Variants in SSBP4 observed in about 807,000 individuals in gnomAD.
The protein encoded by SSBP4 is single stranded DNA binding protein 4, also known as single-stranded DNA-binding protein 4.
In SSBP4, 33 loss-of-function variants were observed where a neutral mutation model predicts 64.6. The observed-to-expected ratio is 0.51, with a 90% CI of 0.39 to 0.68. The LOEUF (loss-of-function observed/expected upper bound fraction) is 0.68. SSBP4 is among the 30% of genes least tolerant of loss of function. The pLI, the probability that SSBP4 is intolerant of heterozygous loss-of-function variation, is 0.00. For synonymous variants in SSBP4, 243 were observed against 224.0 expected (o/e 1.08, Z -0.76); for missense variants, 583 against 566.8 (o/e 1.03, Z -0.29).
intron 1 of SSBP4, among the ~76,000 whole-genome samples, chr19:18,424,344 G>T (rs76989139): frequency 2.8e-4 from 42 of 152,180 alleles, no homozygotes; most frequent in African/African-American, 4.8e-5. Flanking sequence ...TTCTAAGGTC[G>T]TTGCAGTGAG....
chr19:18,419,841 A>C, intron 1 of SSBP4, 134 bp downstream of exon 1: 1 of 531,148 alleles, frequency 1.9e-6, no homozygotes, highest in Non-Finnish European at 2.5e-6. Context: ...GGGTCGCGAG[A>C]TTGGCGGGGG....
chr19:18,419,708 G>C lies in SSBP4; in HGVS notation c.59+1G>C. ...CCTCCGACAGCCAGGCCCGCGAGAA[G>C]TGAGTGCGGGGCCGGGGGCGGGGCT... On this transcript the variant is annotated splice_donor_variant, in intron 1 of 17. Coordinates refer to ENST00000270061, the MANE Select transcript of SSBP4 (RefSeq NM_032627.5). LOFTEE classifies it high-confidence loss of function. 8.6e-7 allele frequency: 1 copy of C among 1,168,968 alleles called. No individual in the cohort carries two copies. 72.4% of individuals were successfully genotyped at this position (1,168,968 alleles called of 1,614,324 possible). A position where few individuals can be genotyped will look rare whatever the true frequency, so the allele number is the denominator to read the frequency against.
the SSBP4 span, among the ~76,000 whole-genome samples, chr19:18,405,826 C>A: frequency 4.6e-5 from 7 of 152,078 alleles, no homozygotes; most frequent in Non-Finnish European, 8.8e-5. Flanking sequence ...CCTGTCTCTA[C>A]TAAAAATACA....
Position 18,434,478 on chromosome 19 carries a change from G to C in SSBP4, c.*232G>C, listed in dbSNP as rs574934198. 213 of 889,168 alleles carry C rather than the reference G, an allele frequency of 2.4e-4. 2 individuals carry two copies. In the South Asian group the frequency reaches 5.2e-3, roughly 22 times the overall value. 55.1% of individuals were successfully genotyped at this position (889,168 alleles called of 1,614,324 possible). On this transcript the variant is annotated 3_prime_UTR_variant, in exon 18 of 18. Transcript: ENST00000270061. ...TGCCATTTGTATTTTGTCCCAGAGA[G>C]AAAGGCTCTTTGGGGGGCCCCTCTC...
At chr19:18,431,941 C>G in intron 8 of SSBP4, 59 bp from the exon 9 acceptor site, 1 of 1,557,358 alleles carries the variant, frequency 6.4e-7, no homozygotes, top group Non-Finnish European at 8.7e-7. Flanking sequence ...GCTGCCTCCC[C>G]ACTGTCCACA....
the SSBP4 span, among the ~76,000 whole-genome samples, chr19:18,408,535 C>G: frequency 1.3e-5 from 2 of 151,844 alleles, no homozygotes; most frequent in Non-Finnish European, 2.9e-5. Context: ...CTCTATCTCC[C>G]AGGCTGGTGT....
intron 13 of SSBP4, 45 bp downstream of exon 13, chr19:18,432,928 T>G (rs375900891): frequency 5.7e-5 from 92 of 1,614,048 alleles, no homozygotes; most frequent in Non-Finnish European, 7.1e-5. Context: ...TGGGTGTGTT[T>G]GGGGGAAACC....
chr19:18,408,557 A>G, the SSBP4 span, among the ~76,000 whole-genome samples: 1 of 151,088 alleles, frequency 6.6e-6, no homozygotes, highest in African/African-American at 2.4e-5. Context: ...CAGTGGCACC[A>G]TCACGGCTCA....
the SSBP4 span, among the ~76,000 whole-genome samples, chr19:18,411,387 C>T: frequency 6.6e-6 from 1 of 151,872 alleles, no homozygotes; most frequent in African/African-American, 2.4e-5. Context: ...CCCAGCTACT[C>T]GGGAGGCTGA....
chr19:18,407,818 C>T, the SSBP4 span, among the ~76,000 whole-genome samples: 1 of 152,136 alleles, frequency 6.6e-6, no homozygotes, highest in East Asian at 1.9e-4. Flanking sequence ...TCATGGCTCA[C>T]TGCAACCTGC....
rs768646934 is a variant in SSBP4, at chr19:18,431,358, C to T, written c.375C>T (p.Pro125=). 1.0e-6 allele frequency: 1 copy of T among 982,066 alleles called. No homozygotes were observed. The highest frequency in any genetic ancestry group is 1.5e-5 in the South Asian group (1 of 65,796). The allele number at this position is 982,066 out of a possible 1,614,324, so 60.8% of individuals were successfully genotyped here. Residue 125 remains proline, a synonymous_variant, in exon 6 of 18, where the codon CCC becomes CCT. Coordinates refer to ENST00000270061, the MANE Select transcript of SSBP4 (RefSeq NM_032627.5). The part of the protein sequence containing the change: ...GSMAAGFFQG[P]PGSQPSPHNP... ...ACCTGGTTCTGTCCTCCTAGGGCCCCCCCGGCTCCCAGCCGTCCCCCCACA... is the reference window on the plus strand; with the variant it reads ...ACCTGGTTCTGTCCTCCTAGGGCCCTCCCGGCTCCCAGCCGTCCCCCCACA...
intron 17 of SSBP4, 136 bp from the exon 18 acceptor site, chr19:18,434,081 C>T: frequency 2.2e-6 from 3 of 1,379,076 alleles, no homozygotes; most frequent in Admixed American, 3.4e-5. Context: ...CGCCCCTCCC[C>T]CGTTCCCTCC....
At chr19:18,404,394 G>A in the SSBP4 span, among the ~76,000 whole-genome samples, 479 of 151,718 alleles carry the variant, frequency 3.2e-3, 4 homozygotes, top group African/African-American at 0.011. Context: ...AGGAGTTCAC[G>A]ACCAGCCTGG....
chr19:18,428,421 G>A (rs1213744274), intron 4 of SSBP4, among the ~76,000 whole-genome samples: 1 of 152,168 alleles, frequency 6.6e-6, no homozygotes, highest in Non-Finnish European at 1.5e-5. Flanking sequence ...CAGGCACTGG[G>A]ACACTTTCTG....
chr19:18,429,681 G>T (rs1973187983), intron 4 of SSBP4, among the ~76,000 whole-genome samples: 3 of 152,200 alleles, frequency 2.0e-5, no homozygotes, highest in African/African-American at 7.2e-5. Flanking sequence ...GGGGGCCAGA[G>T]CCCAGAGGGG....
At chr19:18,425,964 G>A (rs1416137257) in intron 1 of SSBP4, 4 of 152,384 alleles carry the variant, frequency 2.6e-5, no homozygotes, top group African/African-American at 9.7e-5. Flanking sequence ...ACAGGGGCCG[G>A]GTGTGTGCAC....
the SSBP4 span, among the ~76,000 whole-genome samples, chr19:18,412,921 G>A: frequency 3.9e-5 from 6 of 152,174 alleles, no homozygotes; most frequent in African/African-American, 1.4e-4. Flanking sequence ...GTGGGATCAG[G>A]TGGGGTGAGG....
At position 18,419,452 on chromosome 19, in the gene SSBP4, C is replaced by T; in HGVS notation, c.-197C>T. On this transcript the variant is annotated 5_prime_UTR_variant, in exon 1 of 18. Transcript: ENST00000270061. ...GGGAGGAAAAAAAGCCACCCTGCGG[C>T]CGGGGCCGGAGCTGGAGCCGCCGCT... 1 of 1,060,682 alleles carries T rather than the reference C, an allele frequency of 9.4e-7. No individual in the cohort carries two copies. The highest frequency in any genetic ancestry group is 1.7e-5 in the African/African-American group (1 of 58,670). 65.7% of individuals were successfully genotyped at this position (1,060,682 alleles called of 1,614,324 possible).
At chr19:18,420,870 CA>C (rs1568342976) in intron 1 of SSBP4, among the ~76,000 whole-genome samples, 3 of 150,816 alleles carry the variant, frequency 2.0e-5, no homozygotes. Context: ...AAACAAAAAA[CA>C]AAAAAACAGT....
Sources: allele counts gnomAD v4.1 joint callset (sites outside exome capture counted in the v4.1 genomes callset), GRCh38; gene constraint gnomAD v4.1.1; transcripts MANE v1.5; gene names NCBI Gene and HGNC (gene_info 2026-07-23, HGNC 2026-07-21).